Variants in MAST3 observed in about 807,000 individuals in gnomAD.
The protein encoded by MAST3 is microtubule-associated serine/threonine-protein kinase 3.
In MAST3, 43 loss-of-function variants were observed where a neutral mutation model predicts 127.0. The ratio of observed to expected loss-of-function variants is 0.34; its 90% CI spans 0.27 to 0.44. The LOEUF (loss-of-function observed/expected upper bound fraction) is 0.44. Among genes scored for constraint, MAST3 ranks in the 20% least tolerant of loss-of-function variants. MAST3 has a pLI of 1.00. For synonymous variants in MAST3, 785 were observed against 809.2 expected (o/e 0.97, Z 0.51); for missense variants, 1,390 against 1,919.1 (o/e 0.72, Z 5.15).
chr19:18,111,530 CTTTTTT>C (rs576984210), intron 3 of MAST3, among the ~76,000 whole-genome samples: 34 of 103,246 alleles, frequency 3.3e-4, no homozygotes, highest in Admixed American at 6.0e-4. Context: ...TTTCCACAGA[CTTTTTT>C]TTTTTTTTTT....
intron 27 of MAST3, among the ~76,000 whole-genome samples, chr19:18,148,411 A>G (rs2043251153): frequency 1.3e-5 from 2 of 151,994 alleles, no homozygotes; most frequent in Middle Eastern, 3.4e-3. Flanking sequence ...GCAGTGAGCC[A>G]TGATTGCACC....
intron 15 of MAST3, among the ~76,000 whole-genome samples, chr19:18,134,118 C>T (rs911515975): frequency 2.3e-4 from 35 of 151,926 alleles, no homozygotes; most frequent in African/African-American, 8.0e-4. Context: ...AATTCTGTGC[C>T]GGCACTTTGG....
intron 13 of MAST3, among the ~76,000 whole-genome samples, chr19:18,129,545 G>A (rs148235907): frequency 0.019 from 2,863 of 152,224 alleles, 87 homozygotes; most frequent in Admixed American, 0.074. Context: ...GCAGTTTCAC[G>A]AGTCTGCAAA....
chr19:18,111,411 T>G (rs974298927), intron 3 of MAST3, among the ~76,000 whole-genome samples: 2 of 151,958 alleles, frequency 1.3e-5, no homozygotes, highest in Admixed American at 6.6e-5. Context: ...GCTCCTCTCA[T>G]GGTTTGGGCA....
chr19:18,147,701 G>A (rs1251899375), intron 27 of MAST3, 77 bp downstream of exon 27: 2 of 1,073,836 alleles, frequency 1.9e-6, no homozygotes, highest in Non-Finnish European at 2.6e-6. Context: ...GGAGGAAGGA[G>A]TTCAGGGGAT....
intron 18 of MAST3, 26 bp from the exon 19 acceptor site, chr19:18,137,213 C>A: frequency 6.3e-7 from 1 of 1,594,964 alleles, no homozygotes; most frequent in Non-Finnish European, 8.5e-7. Flanking sequence ...TGAGGACCTG[C>A]AGGGCTCAGC....
intron 11 of MAST3, 131 bp from the exon 12 acceptor site, chr19:18,128,269 T>A: frequency 3.1e-6 from 2 of 648,794 alleles, no homozygotes; most frequent in Non-Finnish European, 5.3e-6. Flanking sequence ...CATGACAGTG[T>A]CATGAGAGCT....
At chr19:18,132,843 C>T (rs1599816415) in intron 15 of MAST3, among the ~76,000 whole-genome samples, 1 of 152,230 alleles carries the variant, frequency 6.6e-6, no homozygotes, top group African/African-American at 2.4e-5. Flanking sequence ...TGGCTCACAC[C>T]TGTAATCCCA....
In MAST3 at chr19:18,110,660, C is replaced by A. The variant is rs1331384505; in HGVS notation, c.80C>A (p.Pro27Gln). The change falls in exon 3 of 28, where the codon CCG becomes CAG. Residue 27 changes from proline (P) to glutamine (Q), a missense_variant. Pro to Gln is a moderately conservative substitution (Grantham distance 76, BLOSUM62 -1). Coordinates refer to ENST00000687212, the MANE Select transcript of MAST3 (RefSeq NM_001393504.1). The surrounding 1 kb of genome is among the most constrained non-coding windows in gnomAD (Gnocchi z 4.3). ...SLPRRGRGLS[P>Q]SSQSPSLLGP... ...GGCCTCTTTCTTTGCAGTCTGTCTCCGAGCAGCCAGAGCCCGTCCCTGCTG... is the reference window on the plus strand; with the variant it reads ...GGCCTCTTTCTTTGCAGTCTGTCTCAGAGCAGCCAGAGCCCGTCCCTGCTG... The A allele has an allele frequency of 1.0e-6, 1 of 985,694 alleles. No individual in the cohort carries two copies. The highest frequency in any genetic ancestry group is 1.1e-4 in the East Asian group (1 of 8,784). 61.1% of individuals were successfully genotyped at this position (985,694 alleles called of 1,614,324 possible).
chr19:18,123,249 G>A lies in MAST3; in HGVS notation c.432G>A (p.Gln144=), dbSNP rs746609697. 2 of 1,613,846 alleles carry A rather than the reference G, an allele frequency of 1.2e-6. No homozygotes were observed. The highest frequency in any genetic ancestry group is 2.2e-5 in the East Asian group (1 of 44,882). The change falls in exon 7 of 28, where the codon CAG becomes CAA. Residue 144 remains glutamine, a synonymous_variant. Transcript: ENST00000687212. ...CATCCTCCCGGGAACGTCTCCACCAGCTTCCCTTCCAGCCGACGCCGGACG... is the reference window on the plus strand; with the variant it reads ...CATCCTCCCGGGAACGTCTCCACCAACTTCCCTTCCAGCCGACGCCGGACG... ...SSSSSRERLH[Q]LPFQPTPDEL...
chr19:18,116,871 C>T (rs1379512317), intron 3 of MAST3, among the ~76,000 whole-genome samples: 2 of 147,324 alleles, frequency 1.4e-5, no homozygotes, highest in Admixed American at 1.4e-4. Flanking sequence ...TGAGACTGCG[C>T]CATTGCATTC....
At chr19:18,141,341 A>C (rs1416553305) in intron 20 of MAST3, among the ~76,000 whole-genome samples, 1 of 150,250 alleles carries the variant, frequency 6.7e-6, no homozygotes, top group Non-Finnish European at 1.5e-5. Context: ...TACTGAAGCA[A>C]CTGGTACATA....
chr19:18,125,298 C>T (rs1299626676), intron 11 of MAST3, among the ~76,000 whole-genome samples: 1 of 152,188 alleles, frequency 6.6e-6, no homozygotes, highest in Admixed American at 6.5e-5. Flanking sequence ...TTAAGATGGT[C>T]AGGAAGCCTG....
chr19:18,099,571 C>T (rs2037377599), intron 1 of MAST3, among the ~76,000 whole-genome samples: 2 of 152,278 alleles, frequency 1.3e-5, no homozygotes, highest in East Asian at 3.9e-4. Flanking sequence ...TTCAGAGAAG[C>T]ATAGCCACTG....
chr19:18,142,347 C>CTTT (rs776007010), intron 21 of MAST3, among the ~76,000 whole-genome samples: 73 of 122,200 alleles, frequency 6.0e-4, no homozygotes, highest in Non-Finnish European at 8.5e-4. Flanking sequence ...GGAAGCTGGC[C>CTTT]TTTTTTTTTT....
rs568557848 is a variant in MAST3, at chr19:18,098,197, T to TGAGTTCATATGTATTAATAC, written c.39+367_39+386dup. 1.3e-4 allele frequency among the ~76,000 whole-genome samples: 20 copies of TGAGTTCATATGTATTAATAC among 152,278 alleles called. No individual in the cohort carries two copies. The East Asian group carries it at 1.9e-3, about 15-fold the overall frequency. On this transcript the variant is annotated intron_variant, in intron 1 of 27. Transcript: ENST00000687212. ...TCCTATTACTAGCGATGTATTAATATGAGTTCATATGTATTAATACCTCCT... is the reference window on the plus strand; with the variant it reads ...TCCTATTACTAGCGATGTATTAATATGAGTTCATATGTATTAATACGAGTTCATATGTATTAATACCTCCT...
chr19:18,131,858 C>CGGGGGGTGG, intron 14 of MAST3, 51 bp from the exon 15 acceptor site: 1 of 1,494,106 alleles, frequency 6.7e-7, no homozygotes, highest in South Asian at 1.2e-5. Context: ...AAGGGGCGGG[C>CGGGGGGTGG]GGGGGGCGGG....
chr19:18,111,290 C>T (rs887910699), intron 3 of MAST3, among the ~76,000 whole-genome samples: 4 of 152,000 alleles, frequency 2.6e-5, no homozygotes, highest in African/African-American at 9.7e-5. Flanking sequence ...GTCCATCCCC[C>T]GGGGGCCAAG....
At position 18,135,487 on chromosome 19, in the gene MAST3, CAT is replaced by C. The variant is rs199541263; in HGVS notation, c.1871-252_1871-251del. The stretch of plus-strand genomic sequence containing the variant: ...CTCAAAAAATAAAAAAAAGAAGTGA[CAT>C]GTGAGCAGAGACCTGCAAGAACCTG... On this transcript the variant is annotated intron_variant, in intron 17 of 27. Coordinates refer to ENST00000687212, the MANE Select transcript of MAST3 (RefSeq NM_001393504.1). 3.6e-3 allele frequency among the ~76,000 whole-genome samples: 546 copies of C among 151,762 alleles called. 9 individuals are homozygous for C. In the East Asian group the frequency reaches 0.041, roughly 12 times the overall value.
Sources: gnomAD v4.1 joint callset for allele counts (sites outside exome capture counted in the v4.1 genomes callset) on GRCh38, gnomAD v4.1.1 for gene constraint, Gnocchi (gnomAD v3.1) non-coding constraint, MANE v1.5 for transcripts, NCBI Gene and HGNC (gene_info 2026-07-23, HGNC 2026-07-21) for gene names.